Variants in STK4 observed in about 807,000 individuals in gnomAD.
STK4 encodes serine/threonine kinase 4, also known as serine/threonine-protein kinase 4.
A neutral mutation model predicts 64.9 loss-of-function variants in STK4; 30 were observed. The ratio of observed to expected loss-of-function variants is 0.46; its 90% confidence interval spans 0.35 to 0.63. The LOEUF (loss-of-function observed/expected upper bound fraction) is 0.63, where lower values mean the gene tolerates loss of function less well. Among genes scored for constraint, STK4 ranks in the 20% least tolerant of loss-of-function variants. The pLI is 0.01. For missense variants in STK4, 466 were observed against 598.5 expected, an observed-to-expected ratio of 0.78 and a Z score of 2.31; for synonymous variants, 177 against 199.0, an observed-to-expected ratio of 0.89 and a Z score of 0.93.
chr20:44,987,691 ACT>A (rs1242929298), intron 5 of STK4, among the ~76,000 whole-genome samples: 1 of 151,394 alleles, frequency 6.6e-6, no homozygotes, highest in East Asian at 1.9e-4. Context: ...TACTGAAAAC[ACT>A]CTGTTCGTTT....
At chr20:45,036,738 T>C (rs1196160188) in intron 10 of STK4, among the ~76,000 whole-genome samples, 1 of 152,168 alleles carries the variant, frequency 6.6e-6, no homozygotes, top group Non-Finnish European at 1.5e-5. Flanking sequence ...TTATTAGTTA[T>C]TGATAAATTC....
chr20:45,069,078 G>A (rs575227963), intron 10 of STK4, among the ~76,000 whole-genome samples: 2 of 152,326 alleles, frequency 1.3e-5, no homozygotes, highest in Non-Finnish European at 2.9e-5. Flanking sequence ...GGGTAAAGGC[G>A]ATGGTGAGGG....
chr20:44,999,083 AGAAAAG>A (rs2067788544), intron 7 of STK4, among the ~76,000 whole-genome samples: 4 of 149,486 alleles, frequency 2.7e-5, no homozygotes, highest in Admixed American at 2.0e-4. Flanking sequence ...AAAAAAACAA[AGAAAAG>A]GAAAAGAAAA....
Position 44,981,878 on chromosome 20 carries a change from T to G in STK4, c.295T>G (p.Trp99Gly). The G allele has an allele frequency of 6.2e-7, 1 of 1,614,082 alleles. No individual in the cohort carries two copies. The highest frequency in any genetic ancestry group is 8.5e-7 in the Non-Finnish European group (1 of 1,179,952). Residue 99 changes from tryptophan to glycine, a missense_variant, in exon 4 of 11, where the codon TGG becomes GGG. Transcript: ENST00000372806. ...YGSYFKNTDLWIVMEYCGAGS... is the reference protein window; with the variant it reads ...YGSYFKNTDLGIVMEYCGAGS... Reference sequence around the variant, plus strand: ...CAGTTATTTTAAGAACACAGACTTATGGATCGTTATGGAGTACTGTGGGGC... The same window carrying G: ...CAGTTATTTTAAGAACACAGACTTAGGGATCGTTATGGAGTACTGTGGGGC...
chr20:45,029,062 C>T (rs889298688), intron 10 of STK4, among the ~76,000 whole-genome samples: 10 of 152,078 alleles, frequency 6.6e-5, no homozygotes, highest in South Asian at 2.1e-4. Flanking sequence ...GTGTCCTATA[C>T]GGTGTTTAAA....
At chr20:45,020,285 A>G (rs2010195) in intron 9 of STK4, among the ~76,000 whole-genome samples, 18,917 of 150,164 alleles carry the variant, frequency 0.13, 1,543 homozygotes, top group East Asian at 0.22. Context: ...GTGGTCATGC[A>G]GTTTGGATGT....
intron 5 of STK4, among the ~76,000 whole-genome samples, chr20:44,993,270 A>G (rs1354160749): frequency 6.6e-6 from 1 of 152,046 alleles, no homozygotes; most frequent in Non-Finnish European, 1.5e-5. Flanking sequence ...ACACATACAT[A>G]TACACATATG....
chr20:44,968,432 C>T (rs556757280), intron 1 of STK4, among the ~76,000 whole-genome samples: 1 of 152,326 alleles, frequency 6.6e-6, no homozygotes, highest in African/African-American at 2.4e-5. Context: ...CCACCGGGCC[C>T]GGCCATGCTC....
intron 10 of STK4, among the ~76,000 whole-genome samples, chr20:45,054,706 C>T (rs1041897413): frequency 2.0e-5 from 3 of 151,884 alleles, no homozygotes; most frequent in Non-Finnish European, 4.4e-5. Context: ...CTCAAATTCC[C>T]CATCTGTAGC....
At chr20:45,008,301 C>T (rs1414723649) in intron 9 of STK4, among the ~76,000 whole-genome samples, 2 of 152,200 alleles carry the variant, frequency 1.3e-5, no homozygotes, top group South Asian at 2.1e-4. Flanking sequence ...ATGATCCACC[C>T]GCCATGGCCT....
At chr20:45,031,916 A>G (rs1414951370) in intron 10 of STK4, among the ~76,000 whole-genome samples, 2 of 151,952 alleles carry the variant, frequency 1.3e-5, no homozygotes, top group African/African-American at 4.8e-5. Flanking sequence ...AAAAAAAAAA[A>G]AAAAAAAAAT....
chr20:44,995,605 CAA>C (rs60140206), intron 6 of STK4, among the ~76,000 whole-genome samples: 2 of 54,556 alleles, frequency 3.7e-5, no homozygotes, highest in Non-Finnish European at 3.4e-5. Flanking sequence ...GACTCCATCT[CAA>C]AAAAAAAAAA....
At position 45,029,972 on chromosome 20, in the gene STK4, T is replaced by C. The variant is rs186508652; in HGVS notation, c.1305+4842T>C. On this transcript the variant is annotated intron_variant, in intron 10 of 10. Coordinates refer to ENST00000372806, the MANE Select transcript of STK4 (RefSeq NM_006282.5). ...AGGTACCAAAGAAGCACATAAAATATGGAAAATGTATGTTTGTAAGTGACA... is the reference window on the plus strand; with the variant it reads ...AGGTACCAAAGAAGCACATAAAATACGGAAAATGTATGTTTGTAAGTGACA... 8.3e-4 allele frequency among the ~76,000 whole-genome samples: 127 copies of C among 152,284 alleles called. 1 individual carries two copies. The highest frequency in any genetic ancestry group is 4.1e-3 in the South Asian group (20 of 4,826).
At chr20:44,966,737 G>T (rs1021587666) in intron 1 of STK4, 134 bp downstream of exon 1, 26 of 1,054,800 alleles carry the variant, frequency 2.5e-5, no homozygotes, top group African/African-American at 3.3e-5. Flanking sequence ...CTGAGTGAGG[G>T]GGGGGACGTC....
At chr20:45,071,290 G>A (rs1441683944) in intron 10 of STK4, among the ~76,000 whole-genome samples, 2 of 152,202 alleles carry the variant, frequency 1.3e-5, no homozygotes, top group African/African-American at 4.8e-5. Flanking sequence ...GATTCTGGCT[G>A]TAGCAAAACT....
At chr20:45,049,247 CCTTTA>C (rs1194902091) in intron 10 of STK4, among the ~76,000 whole-genome samples, 2 of 152,050 alleles carry the variant, frequency 1.3e-5, no homozygotes, top group Admixed American at 1.3e-4. Flanking sequence ...TTCCATTTGC[CCTTTA>C]CTTAGGAGAA....
intron 9 of STK4, among the ~76,000 whole-genome samples, chr20:45,012,458 A>G (rs761171342): frequency 2.2e-4 from 33 of 152,330 alleles, no homozygotes; most frequent in Admixed American, 5.9e-4. Flanking sequence ...AATTCTTTCT[A>G]TGCATGAACA....
intron 5 of STK4, among the ~76,000 whole-genome samples, chr20:44,990,945 C>T (rs933922021): frequency 7.2e-5 from 11 of 152,250 alleles, no homozygotes; most frequent in African/African-American, 2.2e-4. Context: ...GTTTTCCTGG[C>T]GACTGACTGA....
At chr20:45,033,633 G>GC (rs1197853223) in intron 10 of STK4, among the ~76,000 whole-genome samples, 6 of 152,098 alleles carry the variant, frequency 3.9e-5, no homozygotes, top group African/African-American at 1.4e-4. Context: ...CTGGAGTAAT[G>GC]CAGTGGCGTG....
Sources: allele counts gnomAD v4.1 joint callset (sites outside exome capture counted in the v4.1 genomes callset), GRCh38; gene constraint gnomAD v4.1.1; transcripts MANE v1.5; gene names NCBI Gene and HGNC (gene_info 2026-07-23, HGNC 2026-07-21).